The following HLA-C variants were observed in gnomAD, a reference collection of about 807,000 sequenced individuals.
HLA-C encodes HLA class I histocompatibility antigen, C alpha chain.
In HLA-C, 15 loss-of-function variants were observed where a neutral mutation model predicts 36.9. The ratio of observed to expected loss-of-function variants is 0.41; its 90% confidence interval spans 0.27 to 0.63. HLA-C has a LOEUF of 0.63. Among genes scored for constraint, HLA-C ranks in the 20% least tolerant of loss-of-function variants. The pLI, the probability that HLA-C is intolerant of heterozygous loss-of-function variation, is 0.35. For synonymous variants in HLA-C, 104 were observed against 174.3 expected (o/e 0.60, Z 3.18); for missense variants, 272 against 400.4 (o/e 0.68, Z 2.74).
At chr6:31,270,641 TCTC>T (rs1378779880) in intron 3 of HLA-C, 156 bp from the exon 4 acceptor site, 1 of 483,740 alleles carries the variant, frequency 2.1e-6, no homozygotes, top group Non-Finnish European at 3.2e-6. Flanking sequence ...CCTGGGATAA[TCTC>T]CTATTCATTG....
chr6:31,271,283 A>G lies in HLA-C; in HGVS notation c.409T>C (p.Tyr137His), dbSNP rs2308574. Residue 137 changes from tyrosine to histidine, a missense_variant, in exon 3 of 8, where the codon TAT (tyrosine) becomes CAT (histidine). By Grantham distance (83) the Tyr-to-His change is moderately conservative. This residue lies in a region of HLA-C where 72 missense variants were observed against 53.4 expected (regional missense o/e 1.35). Coordinates refer to ENST00000376228, the Ensembl canonical transcript of HLA-C. ...TTGCCGTCGTAGGCGGACTGGTCAT[A>G]CCCGCGGAGGAGGCGCCCGTCGGGC... 8.9e-3 allele frequency: 10,050 copies of G among 1,125,924 alleles called. 1,118 individuals are homozygous for G. Among genetic ancestry groups the G allele is most frequent in the South Asian group, 0.049 (3,287 of 67,532 alleles). The allele number at this position is 1,125,924 out of a possible 1,614,324, so 69.7% of individuals were successfully genotyped here. A position where few individuals can be genotyped will look rare whatever the true frequency, so the allele number is the denominator to read the frequency against.
chr6:31,270,157 AAGG>A (rs1761183388), intron 4 of HLA-C, 50 bp downstream of exon 4: 2 of 818,680 alleles, frequency 2.4e-6, no homozygotes, highest in African/African-American at 4.2e-5. Context: ...AGGGCTCCAG[AAGG>A]ACTTCTGCTT....
chr6:31,268,938 GC>G (rs9279068), exon 8 of HLA-C: 231,866 of 375,542 alleles, frequency 0.62, 74,410 homozygotes, highest in East Asian at 0.81. Context: ...GAGACATCCA[GC>G]CCCACCTCTC....
At chr6:31,271,945 A>C (rs9264670) in intron 1 of HLA-C, 54 bp downstream of exon 1, 710,156 of 974,796 alleles carry the variant, frequency 0.73, 318,703 homozygotes, top group Middle Eastern at 0.85. Context: ...CCTCGCCGGG[A>C]GGGCCCCTCG....
rs201434209 is a variant in HLA-C at position 31,270,311 on chromosome 6, A to G, written c.794T>C (p.Phe265Ser). 4.3e-5 allele frequency: 39 copies of G among 912,334 alleles called. 14 individuals carry two copies. In the Admixed American group the frequency reaches 1.0e-3, roughly 24 times the overall value. 56.5% of individuals were successfully genotyped at this position (912,334 alleles called of 1,614,324 possible). ...CACCACCACAGCTGCCCACTTCTGG[A>G]AGGTTCCATCTCCTGCTGGCCTGGT... The change falls in exon 4 of 8, where the codon TTC (phenylalanine) becomes TCC (serine). Residue 265 changes from phenylalanine to serine, a missense_variant. Phe to Ser is a radical substitution (Grantham distance 155). This residue lies in a region of HLA-C where 32 missense variants were observed against 24.4 expected (regional missense o/e 1.31). Coordinates refer to ENST00000376228, the Ensembl canonical transcript of HLA-C.
rs9461679 is a variant in HLA-C, at chr6:31,270,094, G to A, written c.896-9C>T. On this transcript the variant is annotated splice_polypyrimidine_tract_variant and intron_variant, in intron 4 of 7. Transcript: ENST00000376228. ...GGGCTGGGAAGATGGCTCTGGGAAA[G>A]GAGGAGAAGGTGAGGGGCCCTGACC... is the stretch of plus-strand genomic sequence containing the variant. The A allele has an allele frequency of 0.033, 27,175 of 834,658 alleles. 11,765 individuals are homozygous for A. Among genetic ancestry groups the A allele is most frequent in the African/African-American group, 0.23 (5,792 of 24,914 alleles). The allele number at this position is 834,658 out of a possible 1,614,324, so 51.7% of individuals were successfully genotyped here.
chr6:31,271,270 G>T, exon 3 of HLA-C: 1 of 1,213,940 alleles, frequency 8.2e-7, no homozygotes, highest in South Asian at 1.3e-5. Flanking sequence ...GCCGTCGTAG[G>T]CGGACTGGTC....
At chr6:31,272,068 G>C in exon 1 of HLA-C, 1 of 1,010,626 alleles carries the variant, frequency 9.9e-7, no homozygotes, top group Non-Finnish European at 1.3e-6. Flanking sequence ...GCCATGACCC[G>C]CATCTCGGCC....
chr6:31,271,377 C>A, intron 2 of HLA-C, 29 bp from the exon 3 acceptor site: 1 of 872,632 alleles, frequency 1.1e-6, no homozygotes, highest in Non-Finnish European at 1.5e-6. Context: ...TCAGCCCAGT[C>A]CCCCGAGCCC....
chr6:31,271,652 GCC>G lies in HLA-C; in HGVS notation c.288_289del (p.Gln96HisfsTer2). On this transcript the variant is annotated frameshift_variant, in exon 2 of 8. Coordinates refer to ENST00000376228, the Ensembl canonical transcript of HLA-C. LOFTEE classifies it high-confidence loss of function. ...CAGGTTCCGCAGGCTCACTCGGTCA[GCC>G]TGTGCCTGGCGCTTGTACTTCTGTG... 8.1e-7 allele frequency: 1 copy of G among 1,229,724 alleles called. No homozygotes were observed. Among genetic ancestry groups the G allele is most frequent in the Middle Eastern group, 2.3e-4 (1 of 4,424 alleles). The allele number at this position is 1,229,724 out of a possible 1,614,324, so 76.2% of individuals were successfully genotyped here.
Position 31,270,117 on chromosome 6 carries a change from AC to A in HLA-C, c.896-33del, listed in dbSNP as rs281860577. The A allele has an allele frequency of 2.4e-6, 2 of 831,218 alleles. 1 individual carries two copies. The highest frequency in any genetic ancestry group is 3.0e-6 in the Non-Finnish European group (2 of 660,116). The allele number at this position is 831,218 out of a possible 1,614,324, so 51.5% of individuals were successfully genotyped here. ...AAGGAGGAGAAGGTGAGGGGCCCTG[AC>A]CCCCAAGCCTCAGCCCTGACCCGGC... On this transcript the variant is annotated intron_variant, in intron 4 of 7. Coordinates refer to ENST00000376228, the Ensembl canonical transcript of HLA-C.
intron 3 of HLA-C, chr6:31,270,717 G>T: frequency 2.7e-6 from 1 of 368,614 alleles, no homozygotes. Context: ...GGAGGCTGCA[G>T]GACTCAGAAA....
At chr6:31,271,271 C>T in exon 3 of HLA-C, 1 of 1,212,830 alleles carries the variant, frequency 8.2e-7, no homozygotes. Flanking sequence ...CCGTCGTAGG[C>T]GGACTGGTCA....
chr6:31,269,323 T>TAGAC lies in HLA-C; in HGVS notation c.1096+14_1096+15insGTCT. On this transcript the variant is annotated intron_variant, in intron 7 of 7. Transcript: ENST00000376228. ...CTGCCCCACCCCCGACCACTTCAGCTCCCCAGAATCTCACCTTTACAAGTG... is the reference window on the plus strand; with the variant it reads ...CTGCCCCACCCCCGACCACTTCAGCTAGACCCCCAGAATCTCACCTTTACAAGTG... 2 of 892,454 alleles carry TAGAC rather than the reference T, an allele frequency of 2.2e-6. No individual in the cohort carries two copies. The highest frequency in any genetic ancestry group is 3.5e-5 in the Admixed American group (1 of 28,540). 55.3% of individuals were successfully genotyped at this position (892,454 alleles called of 1,614,324 possible). A position where few individuals can be genotyped will look rare whatever the true frequency, so the allele number is the denominator to read the frequency against.
At chr6:31,271,263 G>T (rs281860472) in exon 3 of HLA-C, 2 of 1,216,500 alleles carry the variant, frequency 1.6e-6, no homozygotes, top group African/African-American at 2.6e-5. Flanking sequence ...AATCCTTGCC[G>T]TCGTAGGCGG....
Position 31,269,142 on chromosome 6 carries a change from C to A in HLA-C, c.*27G>T, listed in dbSNP as rs1488606823. The A allele has an allele frequency of 3.4e-6, 5 of 1,490,654 alleles. No individual in the cohort carries two copies. The African/African-American group carries it at 8.3e-5, about 25-fold the overall frequency. The allele number at this position is 1,490,654 out of a possible 1,614,324, so 92.3% of individuals were successfully genotyped here. A position where few individuals can be genotyped will look rare whatever the true frequency, so the allele number is the denominator to read the frequency against. On this transcript the variant is annotated 3_prime_UTR_variant, in exon 8 of 8. Coordinates refer to ENST00000376228, the Ensembl canonical transcript of HLA-C. ...AAAGGAGAGGTGTGAAGAAATCCTG[C>A]ATCTCAGTCCCACACAGGCAGCTGT...
Position 31,269,572 on chromosome 6 carries a change from C to T in HLA-C, c.1016-47G>A, listed in dbSNP as rs1469106479. On this transcript the variant is annotated intron_variant, in intron 5 of 7. Coordinates refer to ENST00000376228, the Ensembl canonical transcript of HLA-C. ...TGAGGGGACTGGGAGGAGGCAGGGC[C>T]ATGTGATCTTAGGGGAACCTCCTAG... The T allele has an allele frequency of 6.6e-6, 5 of 753,788 alleles. 2 individuals carry two copies. Among genetic ancestry groups the T allele is most frequent in the Non-Finnish European group, 8.6e-6 (5 of 583,954 alleles). The allele number at this position is 753,788 out of a possible 1,614,324, so 46.7% of individuals were successfully genotyped here.
Position 31,269,604 on chromosome 6 carries a change from A to T in HLA-C, c.1016-79T>A. 2 of 572,230 alleles carry T rather than the reference A, an allele frequency of 3.5e-6. 1 individual carries two copies. The highest frequency in any genetic ancestry group is 4.7e-6 in the Non-Finnish European group (2 of 423,226). The allele number at this position is 572,230 out of a possible 1,614,324, so 35.4% of individuals were successfully genotyped here. On this transcript the variant is annotated intron_variant, in intron 5 of 7. Coordinates refer to ENST00000376228, the Ensembl canonical transcript of HLA-C. ...TCTTAGGGGAACCTCCTAGTCTTGG[A>T]CCCAAGAGAAGTTTCCAGAACTACG...
In HLA-C at chr6:31,269,026, T is replaced by TG. The variant is rs201629107; in HGVS notation, c.*142dup. On this transcript the variant is annotated 3_prime_UTR_variant, in exon 8 of 8. Coordinates refer to ENST00000376228, the Ensembl canonical transcript of HLA-C. ...GGTCACGGTGGACACGGGGGTGGGC[T>TG]GTCTCTCCACCTCCTCACATTATGC... 2.7e-3 allele frequency: 1,938 copies of TG among 708,218 alleles called. 10 individuals carry two copies. Among genetic ancestry groups the TG allele is most frequent in the Non-Finnish European group, 3.6e-3 (1,383 of 389,416 alleles). The allele number at this position is 708,218 out of a possible 1,614,324, so 43.9% of individuals were successfully genotyped here.
Sources: allele counts gnomAD v4.1 joint callset, GRCh38; gene constraint gnomAD v4.1.1; regional missense constraint gnomAD v4.1.1; transcripts MANE v1.5; gene names NCBI Gene and HGNC (gene_info 2026-07-23, HGNC 2026-07-21).